RBFOX1: variants seen among roughly 807,000 people sequenced by gnomAD.
The protein encoded by RBFOX1 is RNA binding fox-1 homolog 1.
In RBFOX1, 8 loss-of-function variants were observed where a neutral mutation model predicts 57.7. The ratio of observed to expected loss-of-function variants is 0.14; its 90% CI spans 0.08 to 0.25. The LOEUF (loss-of-function observed/expected upper bound fraction) is 0.25, where lower values mean the gene tolerates loss of function less well. RBFOX1 is among the 10% of genes least tolerant of loss of function. The pLI, the probability that RBFOX1 is intolerant of heterozygous loss-of-function variation, is 1.00. For synonymous variants in RBFOX1, 326 were observed against 222.4 expected (o/e 1.47, Z -4.15); for missense variants, 611 against 548.5 (o/e 1.11, Z -1.14).
At chr16:6,725,743 T>C (rs1248987285) in intron 3 of RBFOX1, among the ~76,000 whole-genome samples, 1 of 152,214 alleles carries the variant, frequency 6.6e-6, no homozygotes, top group Non-Finnish European at 1.5e-5. Context: ...ATCTGTTTTC[T>C]TTTTCTATAA....
chr16:7,056,309 C>T (rs565149727), intron 4 of RBFOX1, among the ~76,000 whole-genome samples: 10 of 152,266 alleles, frequency 6.6e-5, no homozygotes, highest in Non-Finnish European at 7.4e-5. Context: ...TTCATTCCTC[C>T]GTCCCAAGGT....
chr16:6,393,504 C>A (rs2092695648), intron 2 of RBFOX1, among the ~76,000 whole-genome samples: 1 of 152,144 alleles, frequency 6.6e-6, no homozygotes, highest in Non-Finnish European at 1.5e-5. Flanking sequence ...AACAGGAAAT[C>A]TTTCTTAATA....
chr16:6,329,457 C>T (rs1333848695), intron 2 of RBFOX1, among the ~76,000 whole-genome samples: 1 of 152,172 alleles, frequency 6.6e-6, no homozygotes, highest in East Asian at 1.9e-4. Context: ...ACGCTCTTGA[C>T]CACTATACTA....
At chr16:6,959,244 G>C (rs183156438) in intron 3 of RBFOX1, among the ~76,000 whole-genome samples, 6 of 152,166 alleles carry the variant, frequency 3.9e-5, no homozygotes, top group African/African-American at 1.4e-4. Flanking sequence ...AAGCTCAGGG[G>C]ACAGGCAGAT....
chr16:5,376,263 G>T (rs1204728688), intron 1 of RBFOX1, among the ~76,000 whole-genome samples: 1 of 152,252 alleles, frequency 6.6e-6, no homozygotes, highest in Non-Finnish European at 1.5e-5. Context: ...CATTCTGAGA[G>T]CATGCGCGGA....
chr16:5,355,489 G>A lies in RBFOX1; in HGVS notation c.220-111727G>A, dbSNP rs75459018. Among the ~76,000 whole-genome samples, 639 of 152,278 alleles carry A rather than the reference G, an allele frequency of 4.2e-3. 3 individuals carry two copies. Among genetic ancestry groups the A allele is most frequent in the African/African-American group, 0.014 (591 of 41,544 alleles). On this transcript the variant is annotated intron_variant, in intron 1 of 2. Coordinates refer to the RBFOX1 transcript ENST00000585867. ...AGGCACCTTTGCTGGCTCAAGGCCC[G>A]GGGCCTGAGGTCAGCTGAAGCTGGG...
rs1247545893 is a variant in RBFOX1, at chr16:6,483,572, C to T, written c.-64+166515C>T. 5 of 1,533,538 alleles carry T rather than the reference C, an allele frequency of 3.3e-6. No homozygotes were observed. The East Asian group carries it at 9.8e-5, about 30-fold the overall frequency. 95.0% of individuals were successfully genotyped at this position (1,533,538 alleles called of 1,614,324 possible). On this transcript the variant is annotated intron_variant, in intron 2 of 15. Transcript: ENST00000550418. ...ACGGCGAGCGAAGAAGACTCTAAAA[C>T]ACTGTCAGGGAAGGAGAGAAAGAGG...
chr16:6,460,736 C>G (rs112718064), intron 2 of RBFOX1, among the ~76,000 whole-genome samples: 2,770 of 151,754 alleles, frequency 0.018, 68 homozygotes, highest in East Asian at 0.089. Context: ...TGCAGCAATC[C>G]CATTACTGGG....
intron 4 of RBFOX1, among the ~76,000 whole-genome samples, chr16:7,383,075 C>T (rs1201109216): frequency 6.6e-6 from 1 of 151,954 alleles, no homozygotes; most frequent in African/African-American, 2.4e-5. Flanking sequence ...AAAAAAAATG[C>T]AATATCCAGT....
upstream of RBFOX1, among the ~76,000 whole-genome samples, chr16:6,016,262 G>T (rs1419836355): frequency 1.3e-5 from 2 of 152,052 alleles, no homozygotes; most frequent in African/African-American, 2.4e-5. Flanking sequence ...TGTGCCTATG[G>T]GGGGCTGGGT....
Position 5,960,102 on chromosome 16 carries a change from G to A in RBFOX1, c.351+92767G>A, listed in dbSNP as rs112066435. ...TGTAATCCCAGCTACTTAGGAGGCC[G>A]AGACAGGAGAATTGCTTGAACCCAA... On this transcript the variant is annotated intron_variant, in intron 4 of 19. Transcript: ENST00000641259. 3.2e-3 allele frequency among the ~76,000 whole-genome samples: 494 copies of A among 152,238 alleles called. 1 individual carries two copies. The highest frequency in any genetic ancestry group is 0.012 in the African/African-American group (478 of 41,540).
chr16:5,698,171 TA>T (rs2050909799), intron 3 of RBFOX1, among the ~76,000 whole-genome samples: 1 of 152,236 alleles, frequency 6.6e-6, no homozygotes, highest in Non-Finnish European at 1.5e-5. Context: ...TCTGTGTTGA[TA>T]AGTGAGAATG....
chr16:6,435,302 G>GTTTTGT (rs6145736), intron 2 of RBFOX1, among the ~76,000 whole-genome samples: 5 of 151,268 alleles, frequency 3.3e-5, no homozygotes, highest in South Asian at 4.2e-4. Context: ...GTTGTTTTTT[G>GTTTTGT]TTTTGTTTTT....
intron 2 of RBFOX1, among the ~76,000 whole-genome samples, chr16:5,490,733 G>A (rs1000504937): frequency 3.9e-5 from 6 of 152,184 alleles, no homozygotes; most frequent in Non-Finnish European, 7.3e-5. Context: ...CAGCCGCGTG[G>A]GAGAGCAGAG....
chr16:7,554,163 G>C (rs951441321), intron 5 of RBFOX1, among the ~76,000 whole-genome samples: 2 of 152,150 alleles, frequency 1.3e-5, no homozygotes, highest in African/African-American at 4.8e-5. Flanking sequence ...AGCTTAGTTG[G>C]GCTGATGGGA....
At chr16:6,192,084 C>A (rs1170574394) in intron 1 of RBFOX1, among the ~76,000 whole-genome samples, 2 of 152,166 alleles carry the variant, frequency 1.3e-5, no homozygotes, top group Non-Finnish European at 2.9e-5. Context: ...GCATGAGCTG[C>A]ATCTGCCTCC....
At chr16:5,640,384 G>A (rs191574055) in intron 3 of RBFOX1, among the ~76,000 whole-genome samples, 2,059 of 152,156 alleles carry the variant, frequency 0.014, 52 homozygotes, top group African/African-American at 0.047. Flanking sequence ...CATCATGCAT[G>A]CATGCATGCA....
At chr16:7,522,632 C>CA (rs1228457929) in intron 5 of RBFOX1, among the ~76,000 whole-genome samples, 1 of 152,144 alleles carries the variant, frequency 6.6e-6, no homozygotes, top group Admixed American at 6.6e-5. Flanking sequence ...TCAGAGAAAG[C>CA]AGTTGGTAGG....
chr16:5,398,315 G>A (rs1165831116), intron 1 of RBFOX1, among the ~76,000 whole-genome samples: 1 of 152,104 alleles, frequency 6.6e-6, no homozygotes, highest in Non-Finnish European at 1.5e-5. Context: ...GTGCATGTGT[G>A]CTCGTGTGCA....
Sources: allele counts gnomAD v4.1 joint callset (sites outside exome capture counted in the v4.1 genomes callset), GRCh38; gene constraint gnomAD v4.1.1; transcripts MANE v1.5; gene names NCBI Gene and HGNC (gene_info 2026-07-23, HGNC 2026-07-21).